Variants in KIAA1549L observed in about 807,000 individuals in gnomAD.
KIAA1549L encodes UPF0606 protein KIAA1549L.
KIAA1549L carries 88 observed loss-of-function variants against 160.7 expected under a neutral mutation model. The ratio of observed to expected loss-of-function variants is 0.55; its 90% CI spans 0.46 to 0.65. The LOEUF (loss-of-function observed/expected upper bound fraction) is 0.65. Among genes scored for constraint, KIAA1549L ranks in the 30% least tolerant of loss-of-function variants. The probability of loss-of-function intolerance (pLI) is 0.00; values close to 1 mark genes in which losing one functional copy is unlikely to be tolerated. For synonymous variants in KIAA1549L, 950 were observed against 976.7 expected, an observed-to-expected ratio of 0.97 and a Z score of 0.51; for missense variants, 2,258 against 2,437.5, an observed-to-expected ratio of 0.93 and a Z score of 1.55.
At chr11:33,610,181 A>G (rs1222790939) in intron 15 of KIAA1549L, among the ~76,000 whole-genome samples, 1 of 152,176 alleles carries the variant, frequency 6.6e-6, no homozygotes, top group Non-Finnish European at 1.5e-5. Context: ...ATACTTGGGC[A>G]AACAACCATA....
chr11:33,657,285 A>T (rs1257422627), intron 18 of KIAA1549L, among the ~76,000 whole-genome samples: 1 of 151,942 alleles, frequency 6.6e-6, no homozygotes, highest in Non-Finnish European at 1.5e-5. Flanking sequence ...TCATACCAGC[A>T]ATTTGTGGGA....
chr11:33,387,764 C>A (rs928307235), intron 1 of KIAA1549L, among the ~76,000 whole-genome samples: 1 of 152,298 alleles, frequency 6.6e-6, no homozygotes, highest in African/African-American at 2.4e-5. Flanking sequence ...TTCGTTTTCT[C>A]ATCTGTGGAT....
At chr11:33,628,177 C>T (rs1289610263) in intron 16 of KIAA1549L, among the ~76,000 whole-genome samples, 5 of 151,980 alleles carry the variant, frequency 3.3e-5, no homozygotes, top group African/African-American at 9.7e-5. Flanking sequence ...TGTTCTTTTA[C>T]ATTTGCTGAG....
chr11:33,478,041 G>C (rs542472120), intron 1 of KIAA1549L, among the ~76,000 whole-genome samples: 3 of 152,214 alleles, frequency 2.0e-5, no homozygotes, highest in African/African-American at 7.2e-5. Context: ...GCCAGAGGGG[G>C]TGTTGGCTTG....
At chr11:33,595,351 C>A (rs937247041) in intron 12 of KIAA1549L, among the ~76,000 whole-genome samples, 1 of 152,250 alleles carries the variant, frequency 6.6e-6, no homozygotes, top group African/African-American at 2.4e-5. Context: ...CTCAGCCTCC[C>A]GAGTAGCTGG....
At chr11:33,469,613 G>A (rs1162211061) in intron 1 of KIAA1549L, among the ~76,000 whole-genome samples, 1 of 152,174 alleles carries the variant, frequency 6.6e-6, no homozygotes, top group Admixed American at 6.5e-5. Context: ...TTGCAAAGAG[G>A]CTGCACCATT....
intron 16 of KIAA1549L, among the ~76,000 whole-genome samples, chr11:33,633,115 A>G (rs1851343815): frequency 7.4e-6 from 1 of 135,586 alleles, no homozygotes; most frequent in African/African-American, 2.7e-5. Flanking sequence ...AACTGGGATG[A>G]CAGGTGCCCA....
intron 1 of KIAA1549L, among the ~76,000 whole-genome samples, chr11:33,518,753 A>AT (rs1402884524): frequency 6.6e-6 from 1 of 152,188 alleles, no homozygotes; most frequent in African/African-American, 2.4e-5. Context: ...TGGTTATTAA[A>AT]TTTTATTTTC....
intron 1 of KIAA1549L, among the ~76,000 whole-genome samples, chr11:33,385,777 C>G (rs1232451611): frequency 6.6e-6 from 1 of 151,630 alleles, no homozygotes; most frequent in Admixed American, 6.6e-5. Context: ...ACATATCTCT[C>G]TCCATTTACT....
At chr11:33,580,846 A>G (rs544456771) in intron 10 of KIAA1549L, among the ~76,000 whole-genome samples, 1 of 152,282 alleles carries the variant, frequency 6.6e-6, no homozygotes, top group South Asian at 2.1e-4. Context: ...AGTGCTATGG[A>G]GAAAATTGGG....
intron 1 of KIAA1549L, among the ~76,000 whole-genome samples, chr11:33,480,067 C>T (rs965800214): frequency 7.2e-5 from 11 of 151,930 alleles, no homozygotes; most frequent in Admixed American, 2.6e-4. Flanking sequence ...TGTGTGTGCA[C>T]GCGTGCTTAA....
intron 1 of KIAA1549L, among the ~76,000 whole-genome samples, chr11:33,489,582 A>C (rs76135137): frequency 6.6e-6 from 1 of 152,186 alleles, no homozygotes; most frequent in African/African-American, 2.4e-5. Context: ...CCATGTAGTC[A>C]TTCAGAGGCC....
chr11:33,669,387 G>C lies in KIAA1549L; in HGVS notation c.*1233G>C, dbSNP rs1423911426. ...TCCAGAGCTGTGGGTAGAGGACATC[G>C]CCTCACGGCACTGAGGCACCAGCCG... On this transcript the variant is annotated 3_prime_UTR_variant, in exon 21 of 21. Coordinates refer to ENST00000658780, the MANE Select transcript of KIAA1549L (RefSeq NM_012194.3). The C allele has an allele frequency of 6.6e-6, 1 of 152,198 alleles. No individual in the cohort carries two copies. Among genetic ancestry groups the C allele is most frequent in the African/African-American group, 2.4e-5 (1 of 41,438 alleles). 9.4% of individuals were successfully genotyped at this position (152,198 alleles called of 1,614,324 possible). A position where few individuals can be genotyped will look rare whatever the true frequency, so the allele number is the denominator to read the frequency against.
chr11:33,546,199 C>A (rs1854255159), intron 3 of KIAA1549L, among the ~76,000 whole-genome samples: 1 of 152,216 alleles, frequency 6.6e-6, no homozygotes, highest in Admixed American at 6.5e-5. Context: ...CCTCACCCCA[C>A]AAAGAATTAA....
intron 8 of KIAA1549L, among the ~76,000 whole-genome samples, chr11:33,564,029 C>T (rs527824102): frequency 6.6e-6 from 1 of 152,294 alleles, no homozygotes; most frequent in South Asian, 2.1e-4. Context: ...TACCCACTCA[C>T]TTATGAAACC....
At chr11:33,551,907 C>G (rs1241226286) in intron 5 of KIAA1549L, among the ~76,000 whole-genome samples, 2 of 152,174 alleles carry the variant, frequency 1.3e-5, no homozygotes, top group Non-Finnish European at 2.9e-5. Flanking sequence ...CTGGTTCGAT[C>G]GTGCTTTTAA....
At chr11:33,545,756 C>G (rs1854235463) in intron 3 of KIAA1549L, among the ~76,000 whole-genome samples, 1 of 152,158 alleles carries the variant, frequency 6.6e-6, no homozygotes, top group Admixed American at 6.5e-5. Context: ...TATCAGAAGT[C>G]CCAGGAAACC....
At chr11:33,555,840 A>C (rs1041473076) in intron 6 of KIAA1549L, among the ~76,000 whole-genome samples, 17 of 152,240 alleles carry the variant, frequency 1.1e-4, no homozygotes, top group African/African-American at 4.1e-4. Context: ...TCTGTGCATC[A>C]AAAAACACTA....
chr11:33,649,066 G>C (rs11032329), intron 17 of KIAA1549L, among the ~76,000 whole-genome samples: 3,721 of 152,278 alleles, frequency 0.024, 157 homozygotes, highest in African/African-American at 0.084. Context: ...CCAAGTTTAT[G>C]CAGCAGTAAA....
Sources: allele counts gnomAD v4.1 joint callset (sites outside exome capture counted in the v4.1 genomes callset), GRCh38; gene constraint gnomAD v4.1.1; transcripts MANE v1.5; gene names NCBI Gene and HGNC (gene_info 2026-07-23, HGNC 2026-07-21).